PPARGC1A: variants seen among roughly 807,000 people sequenced by gnomAD.
The protein encoded by PPARGC1A is PPARG coactivator 1 alpha.
A neutral mutation model predicts 88.7 loss-of-function variants in PPARGC1A; 25 were observed. That is an observed-to-expected ratio of 0.28 (90% confidence interval 0.21 to 0.39). PPARGC1A has a LOEUF of 0.39. Among genes scored for constraint, PPARGC1A ranks in the 10% least tolerant of loss-of-function variants. PPARGC1A has a pLI of 1.00. For missense variants in PPARGC1A, 880 were observed against 968.7 expected (o/e 0.91, Z 1.22); for synonymous variants, 363 against 355.6 (o/e 1.02, Z -0.24).
chr4:24,454,053 T>C, the PPARGC1A span, among the ~76,000 whole-genome samples: 3 of 152,044 alleles, frequency 2.0e-5, no homozygotes, highest in South Asian at 6.2e-4. Context: ...ATCTTCTTGA[T>C]CACTACTATT....
the PPARGC1A span, among the ~76,000 whole-genome samples, chr4:24,250,685 A>T: frequency 6.6e-6 from 1 of 152,202 alleles, no homozygotes; most frequent in Non-Finnish European, 1.5e-5. Context: ...CAAATAGCAC[A>T]GGTCTCAGGC....
At chr4:23,840,406 A>G (rs1466541146) in intron 2 of PPARGC1A, among the ~76,000 whole-genome samples, 1 of 152,050 alleles carries the variant, frequency 6.6e-6, no homozygotes, top group Middle Eastern at 3.2e-3. Flanking sequence ...AATGCCAAGC[A>G]TTCTCCTGTC....
Position 23,813,798 on chromosome 4 carries a change from G to A in PPARGC1A, c.1685C>T (p.Pro562Leu), listed in dbSNP as rs900269408. The A allele has an allele frequency of 2.5e-6, 4 of 1,613,376 alleles. No individual in the cohort carries two copies. In the African/African-American group the frequency reaches 5.3e-5, roughly 22 times the overall value. ...CCTTGAACGAGAGCGCATCCTTTGG[G>A]GTCTTTGAGAAAATAAGGATTTGGG... ...SPPKSLFSQR[P>L]QRMRSRSRSF... Residue 562 changes from proline to leucine, a missense_variant, in exon 8 of 13, where the codon CCC (proline) becomes CTC (leucine). By Grantham distance (98) the Pro-to-Leu change is moderately conservative. Coordinates refer to ENST00000264867, the MANE Select transcript of PPARGC1A (RefSeq NM_013261.5).
At chr4:24,422,960 C>T in the PPARGC1A span, among the ~76,000 whole-genome samples, 1 of 152,148 alleles carries the variant, frequency 6.6e-6, no homozygotes, top group East Asian at 1.9e-4. Flanking sequence ...GACATAGACA[C>T]CTTGGATTTA....
chr4:24,023,203 T>C, the PPARGC1A span, among the ~76,000 whole-genome samples: 1 of 152,168 alleles, frequency 6.6e-6, no homozygotes, highest in African/African-American at 2.4e-5. Flanking sequence ...ATACTTGCCA[T>C]AGGTTTGCAT....
At chr4:24,346,789 G>A in the PPARGC1A span, among the ~76,000 whole-genome samples, 1 of 151,722 alleles carries the variant, frequency 6.6e-6, no homozygotes, top group Non-Finnish European at 1.5e-5. Context: ...CTTTGATGTT[G>A]GTTATTTCCT....
At chr4:24,275,187 G>T in the PPARGC1A span, among the ~76,000 whole-genome samples, 1 of 146,684 alleles carries the variant, frequency 6.8e-6, no homozygotes, top group African/African-American at 2.5e-5. Context: ...TCTTTTGTCT[G>T]TACAATCAAG....
the PPARGC1A span, among the ~76,000 whole-genome samples, chr4:24,318,169 T>C: frequency 6.6e-6 from 1 of 152,166 alleles, no homozygotes; most frequent in Non-Finnish European, 1.5e-5. Context: ...AATAGAAAAA[T>C]GCAGGTAGCT....
chr4:24,444,117 G>A, the PPARGC1A span, among the ~76,000 whole-genome samples: 4 of 151,554 alleles, frequency 2.6e-5, no homozygotes, highest in Non-Finnish European at 5.9e-5. Flanking sequence ...GGCAGCCTCC[G>A]CCTCCCAGGG....
the PPARGC1A span, among the ~76,000 whole-genome samples, chr4:24,337,474 A>T: frequency 2.0e-5 from 3 of 151,786 alleles, no homozygotes; most frequent in Admixed American, 6.7e-5. Context: ...ATAAGACATG[A>T]AAATAAGTCT....
the PPARGC1A span, among the ~76,000 whole-genome samples, chr4:24,219,528 T>C: frequency 1.3e-5 from 2 of 152,162 alleles, no homozygotes; most frequent in African/African-American, 4.8e-5. Flanking sequence ...AGATAAAGCC[T>C]CAGGGGAGGC....
the PPARGC1A span, among the ~76,000 whole-genome samples, chr4:24,320,628 T>C: frequency 6.0e-5 from 8 of 134,012 alleles, no homozygotes; most frequent in Admixed American, 3.2e-4. Flanking sequence ...ACCATCCTTA[T>C]ATAAAAACAG....
At chr4:23,944,456 C>A in the PPARGC1A span, among the ~76,000 whole-genome samples, 445 of 152,302 alleles carry the variant, frequency 2.9e-3, 6 homozygotes, top group African/African-American at 0.01. Flanking sequence ...TGTGTAAAAT[C>A]TCCTAACACT....
At chr4:23,831,017 GTTAA>G (rs1340639119) in intron 3 of PPARGC1A, among the ~76,000 whole-genome samples, 10 of 152,072 alleles carry the variant, frequency 6.6e-5, no homozygotes, top group African/African-American at 9.6e-5. Flanking sequence ...ATGCTAATAT[GTTAA>G]TTATTATACA....
the PPARGC1A span, among the ~76,000 whole-genome samples, chr4:24,166,802 C>T: frequency 6.6e-6 from 1 of 152,132 alleles, no homozygotes; most frequent in Non-Finnish European, 1.5e-5. Flanking sequence ...GCTTAGAAAA[C>T]AAAGGTTCCT....
At chr4:23,962,164 G>A in the PPARGC1A span, among the ~76,000 whole-genome samples, 1 of 151,772 alleles carries the variant, frequency 6.6e-6, no homozygotes, top group Non-Finnish European at 1.5e-5. Flanking sequence ...AAATAGCAAG[G>A]GGACAATTTT....
chr4:23,917,873 C>A, the PPARGC1A span, among the ~76,000 whole-genome samples: 2 of 152,166 alleles, frequency 1.3e-5, no homozygotes, highest in Non-Finnish European at 2.9e-5. Context: ...AAATCAATAT[C>A]GCCACTCTTT....
chr4:24,297,121 G>C, the PPARGC1A span, among the ~76,000 whole-genome samples: 1 of 152,130 alleles, frequency 6.6e-6, no homozygotes, highest in African/African-American at 2.4e-5. Context: ...CTCGAAGCTA[G>C]TGCATTAGAA....
the PPARGC1A span, among the ~76,000 whole-genome samples, chr4:24,355,946 C>T: frequency 2.0e-5 from 3 of 152,172 alleles, no homozygotes; most frequent in South Asian, 4.1e-4. Flanking sequence ...CCTGTAATCC[C>T]GGTACTTTGG....
Sources: gnomAD v4.1 joint callset for allele counts (sites outside exome capture counted in the v4.1 genomes callset) on GRCh38, gnomAD v4.1.1 for gene constraint, MANE v1.5 for transcripts, NCBI Gene and HGNC (gene_info 2026-07-23, HGNC 2026-07-21) for gene names.